Variants in AGAP1 observed in about 807,000 individuals in gnomAD.
AGAP1 encodes ArfGAP with GTPase domain, ankyrin repeat and PH domain 1.
AGAP1 carries 29 observed loss-of-function variants against 105.3 expected under a neutral mutation model. The ratio of observed to expected loss-of-function variants is 0.28; its 90% confidence interval spans 0.21 to 0.38. The LOEUF (loss-of-function observed/expected upper bound fraction) is 0.38, where lower values mean the gene tolerates loss of function less well. AGAP1 is among the 10% of genes least tolerant of loss of function. The pLI is 1.00. For missense variants in AGAP1, 998 were observed against 1,165.1 expected, an observed-to-expected ratio of 0.86 and a Z score of 2.09; for synonymous variants, 509 against 485.9, an observed-to-expected ratio of 1.05 and a Z score of -0.63.
intron 1 of AGAP1, among the ~76,000 whole-genome samples, chr2:235,685,430 C>T (rs1002190510): frequency 6.6e-6 from 1 of 151,542 alleles, no homozygotes; most frequent in Admixed American, 6.6e-5. Flanking sequence ...AGCTGTTAGT[C>T]CCACGGCCTC....
rs971771987 is a variant in AGAP1 at position 235,920,042 on chromosome 2, T to G, written c.1325-10723T>G. Among the ~76,000 whole-genome samples, 6 of 152,264 alleles carry G rather than the reference T, an allele frequency of 3.9e-5. No homozygotes were observed. In the East Asian group the frequency reaches 1.2e-3, roughly 30 times the overall value. On this transcript the variant is annotated intron_variant, in intron 11 of 17. Coordinates refer to ENST00000304032, the MANE Select transcript of AGAP1 (RefSeq NM_001037131.3). The stretch of plus-strand genomic sequence containing the variant: ...GCAAAGGTCGGAATAAGACTCCACG[T>G]TTTAGGAAGTGACGACGAACCGTCT...
chr2:235,554,722 A>G (rs929752291), intron 1 of AGAP1, among the ~76,000 whole-genome samples: 22 of 152,130 alleles, frequency 1.4e-4, no homozygotes, highest in Admixed American at 1.4e-3. Flanking sequence ...CTTGTTGCCC[A>G]GGCTGGAGTG....
At chr2:235,589,509 G>T (rs778586003) in intron 1 of AGAP1, among the ~76,000 whole-genome samples, 5 of 151,842 alleles carry the variant, frequency 3.3e-5, no homozygotes, top group Admixed American at 6.6e-5. Flanking sequence ...GCCAGTGCTG[G>T]TCCCAGTTAA....
At position 235,609,449 on chromosome 2, in the gene AGAP1, A is replaced by T. The variant is rs1205735155; in HGVS notation, c.164-99730A>T. Among the ~76,000 whole-genome samples the T allele has an allele frequency of 6.6e-6, 1 of 152,134 alleles. No homozygotes were observed. Among genetic ancestry groups the T allele is most frequent in the Non-Finnish European group, 1.5e-5 (1 of 68,026 alleles). The stretch of plus-strand genomic sequence containing the variant: ...CTGGGCACGATCATTCGAGATTCCA[A>T]GAGGTAAGAACTGGGGGCTGGGCTG... On this transcript the variant is annotated intron_variant, in intron 1 of 17. Coordinates refer to ENST00000304032, the MANE Select transcript of AGAP1 (RefSeq NM_001037131.3). The surrounding 1 kb of genome is among the most constrained non-coding windows in gnomAD (Gnocchi z 5.1).
chr2:235,686,588 C>CACACACATAT (rs1553605459), intron 1 of AGAP1, among the ~76,000 whole-genome samples: 23 of 108,510 alleles, frequency 2.1e-4, no homozygotes, highest in African/African-American at 6.7e-4. Flanking sequence ...CACACACACA[C>CACACACATAT]GTGTGTGTGT....
intron 1 of AGAP1, chr2:235,670,197 T>C (rs1948307385): frequency 1.2e-5 from 7 of 582,332 alleles, no homozygotes; most frequent in Non-Finnish European, 2.2e-5. Flanking sequence ...CGCATCTCCG[T>C]GACCATGGTC....
At chr2:235,597,186 G>A (rs1039086827) in intron 1 of AGAP1, among the ~76,000 whole-genome samples, 5 of 152,244 alleles carry the variant, frequency 3.3e-5, no homozygotes, top group Non-Finnish European at 7.3e-5. Flanking sequence ...GGCCAGGGAT[G>A]CCCTGTGGTT....
At chr2:235,945,026 T>TA (rs1290544612) in intron 12 of AGAP1, among the ~76,000 whole-genome samples, 1 of 152,248 alleles carries the variant, frequency 6.6e-6, no homozygotes, top group Non-Finnish European at 1.5e-5. Context: ...ATTAATTTTT[T>TA]AAAAAAGAAA....
chr2:235,675,282 C>T (rs1239048797), intron 1 of AGAP1, among the ~76,000 whole-genome samples: 2 of 151,366 alleles, frequency 1.3e-5, no homozygotes, highest in East Asian at 2.0e-4. Flanking sequence ...CTCTGCCTCC[C>T]GGGTTCATGC....
rs1270915395 is a variant in AGAP1, at chr2:236,005,291, G to A, written c.1646-31270G>A. 6.6e-6 allele frequency among the ~76,000 whole-genome samples: 1 copy of A among 152,060 alleles called. No individual in the cohort carries two copies. The highest frequency in any genetic ancestry group is 1.5e-5 in the Non-Finnish European group (1 of 68,026). On this transcript the variant is annotated intron_variant, in intron 13 of 17. Transcript: ENST00000304032. The surrounding 1 kb of genome is among the most constrained non-coding windows in gnomAD (Gnocchi z 4.1). The stretch of plus-strand genomic sequence containing the variant: ...CTCCCAAATAGCTGGGACTACAGGA[G>A]TGTGCCACCGGCTAATTTTTTTTAT...
intron 15 of AGAP1, among the ~76,000 whole-genome samples, chr2:236,047,410 GCCT>G: frequency 6.6e-6 from 1 of 151,970 alleles, no homozygotes; most frequent in Non-Finnish European, 1.5e-5. Context: ...CCAGGCCAGG[GCCT>G]CCTCTGTGTC....
chr2:235,524,849 G>T (rs1361873381), intron 1 of AGAP1, among the ~76,000 whole-genome samples: 1 of 152,110 alleles, frequency 6.6e-6, no homozygotes, highest in Admixed American at 6.5e-5. Context: ...TGTCTTCTTG[G>T]GCCGATTGTT....
rs1024318424 is a variant in AGAP1, at chr2:236,000,389, G to T, written c.1645+31766G>T. Among the ~76,000 whole-genome samples, 2 of 152,190 alleles carry T rather than the reference G, an allele frequency of 1.3e-5. No individual in the cohort carries two copies. The highest frequency in any genetic ancestry group is 2.9e-5 in the Non-Finnish European group (2 of 68,028). On this transcript the variant is annotated intron_variant, in intron 13 of 17. Transcript: ENST00000304032. The surrounding 1 kb of genome is among the most constrained non-coding windows in gnomAD (Gnocchi z 4.3). ...ACACATTTCCAAGAACCTGTCAATG[G>T]CATTGAGGACTTTCTGTACAAAAAT...
intron 13 of AGAP1, among the ~76,000 whole-genome samples, chr2:236,007,490 G>A (rs551149498): frequency 3.9e-5 from 6 of 152,236 alleles, no homozygotes; most frequent in South Asian, 2.1e-4. Flanking sequence ...CCTCAATTAC[G>A]GCCCTGCGTG....
intron 9 of AGAP1, among the ~76,000 whole-genome samples, chr2:235,822,403 G>A (rs1226056892): frequency 6.6e-6 from 1 of 152,194 alleles, no homozygotes; most frequent in Non-Finnish European, 1.5e-5. Flanking sequence ...AGGAGGAGCT[G>A]GAGAAGCCCA....
At chr2:235,915,686 G>A (rs1208738547) in intron 11 of AGAP1, among the ~76,000 whole-genome samples, 6 of 152,030 alleles carry the variant, frequency 3.9e-5, no homozygotes, top group African/African-American at 1.2e-4. Context: ...AAAATAAAGA[G>A]TATGTGAAAA....
chr2:236,046,067 C>A lies in AGAP1; in HGVS notation c.1892-2992C>A. On this transcript the variant is annotated intron_variant, in intron 15 of 17. Coordinates refer to ENST00000304032, the MANE Select transcript of AGAP1 (RefSeq NM_001037131.3). This position sits in a 1 kb window ranked among gnomAD's most constrained non-coding sequence, Gnocchi z 5.2. ...GTGCACCACGGTCTGAACGAGGGGCCAGCATGAGTGGCTTCTGTATCTGCA... is the reference window on the plus strand; with the variant it reads ...GTGCACCACGGTCTGAACGAGGGGCAAGCATGAGTGGCTTCTGTATCTGCA... The A allele has an allele frequency of 2.1e-6, 1 of 467,504 alleles. No homozygotes were observed. Among genetic ancestry groups the A allele is most frequent in the Non-Finnish European group, 4.5e-6 (1 of 224,130 alleles). The allele number at this position is 467,504 out of a possible 1,614,324, so 29.0% of individuals were successfully genotyped here.
At chr2:235,892,661 G>A (rs910749427) in intron 10 of AGAP1, among the ~76,000 whole-genome samples, 2 of 151,716 alleles carry the variant, frequency 1.3e-5, no homozygotes, top group African/African-American at 4.8e-5. Context: ...GTAAATACAC[G>A]AATTCCTCAC....
chr2:235,771,778 C>T (rs557376368), intron 6 of AGAP1, among the ~76,000 whole-genome samples: 17 of 152,306 alleles, frequency 1.1e-4, no homozygotes, highest in Non-Finnish European at 1.8e-4. Flanking sequence ...TGTCTCTCCC[C>T]AGTGTTAGAA....
Sources: gnomAD v4.1 joint callset for allele counts (sites outside exome capture counted in the v4.1 genomes callset) on GRCh38, gnomAD v4.1.1 for gene constraint, Gnocchi (gnomAD v3.1) non-coding constraint, MANE v1.5 for transcripts, NCBI Gene and HGNC (gene_info 2026-07-23, HGNC 2026-07-21) for gene names.